Variants in DCAF8L2 observed in about 807,000 individuals in gnomAD.
The protein encoded by DCAF8L2 is DDB1- and CUL4-associated factor 8-like protein 2.
For synonymous variants in DCAF8L2, 200 were observed against 190.9 expected (o/e 1.05, Z -0.39); for missense variants, 430 against 490.7 (o/e 0.88, Z 1.17).
chrX:27,586,771 A>G (rs1228594427), upstream of DCAF8L2, among the ~76,000 whole-genome samples: 1 of 111,038 alleles, frequency 9.0e-6, no homozygotes, highest in Non-Finnish European at 1.9e-5. Context: ...TAGATGGTTT[A>G]AATTCCTGGT....
At chrX:27,489,082 A>T in the DCAF8L2 span, among the ~76,000 whole-genome samples, 2 of 110,916 alleles carry the variant, frequency 1.8e-5, no homozygotes, top group Non-Finnish European at 3.8e-5. Context: ...TTCTGCAAAA[A>T]ATTCAAATAG....
upstream of DCAF8L2, among the ~76,000 whole-genome samples, chrX:27,589,160 T>C (rs1243760833): frequency 1.8e-5 from 2 of 111,792 alleles, no homozygotes; most frequent in East Asian, 2.8e-4. Context: ...AGATTATGGT[T>C]GGTTCCTTAA....
the DCAF8L2 span, among the ~76,000 whole-genome samples, chrX:27,502,354 ATAT>A: frequency 6.5e-5 from 4 of 61,295 alleles, no homozygotes; most frequent in African/African-American, 2.1e-4. Flanking sequence ...ATATATATAT[ATAT>A]ATATATATAT....
At chrX:27,570,013 T>C in the DCAF8L2 span, among the ~76,000 whole-genome samples, 14 of 111,872 alleles carry the variant, frequency 1.3e-4, no homozygotes, top group Non-Finnish European at 2.6e-4. Flanking sequence ...ACAATTTTCT[T>C]ATGATTAAAC....
chrX:27,631,091 A>G (rs1329880918), intron 1 of DCAF8L2, among the ~76,000 whole-genome samples: 1 of 112,058 alleles, frequency 8.9e-6, no homozygotes, highest in Non-Finnish European at 1.9e-5. Context: ...ATGGTTCAAT[A>G]TATGCAGATC....
the DCAF8L2 span, among the ~76,000 whole-genome samples, chrX:27,570,259 C>T: frequency 1.0e-4 from 11 of 110,337 alleles, no homozygotes; most frequent in South Asian, 4.4e-3. Context: ...TGGGCAGGGG[C>T]TAGGGGAGAA....
intron 3 of DCAF8L2, among the ~76,000 whole-genome samples, chrX:27,694,461 T>C (rs1243825262): frequency 9.0e-6 from 1 of 111,526 alleles, no homozygotes; most frequent in Non-Finnish European, 1.9e-5. Flanking sequence ...TTAACATTTC[T>C]ATCAAACTGA....
chrX:27,733,254 GT>G (rs1921327601), intron 4 of DCAF8L2, among the ~76,000 whole-genome samples: 1 of 111,434 alleles, frequency 9.0e-6, no homozygotes, highest in Admixed American at 9.6e-5. Context: ...TCTCACTGTG[GT>G]TTTGATTTGC....
the DCAF8L2 span, among the ~76,000 whole-genome samples, chrX:27,472,828 G>T: frequency 9.0e-6 from 1 of 111,539 alleles, no homozygotes; most frequent in African/African-American, 3.3e-5. Context: ...TTTAAATAGA[G>T]GTGAACTAAC....
chrX:27,684,945 C>G (rs1930451951), intron 3 of DCAF8L2, among the ~76,000 whole-genome samples: 1 of 111,263 alleles, frequency 9.0e-6, no homozygotes, highest in Admixed American at 9.6e-5. Flanking sequence ...TTACATTTTT[C>G]CTTCTTAGAA....
At chrX:27,673,985 G>T (rs1228092341) in intron 2 of DCAF8L2, among the ~76,000 whole-genome samples, 3 of 111,033 alleles carry the variant, frequency 2.7e-5, no homozygotes, top group African/African-American at 9.8e-5. Flanking sequence ...TATTAATGGG[G>T]TTAATCACCC....
At chrX:27,727,864 A>AT (rs1329047534) in intron 4 of DCAF8L2, among the ~76,000 whole-genome samples, 1 of 111,091 alleles carries the variant, frequency 9.0e-6, no homozygotes, top group African/African-American at 3.3e-5. Flanking sequence ...CTGTGACGAG[A>AT]TTTTGGATAT....
the DCAF8L2 span, among the ~76,000 whole-genome samples, chrX:27,570,463 A>G: frequency 9.0e-6 from 1 of 111,448 alleles, no homozygotes; most frequent in African/African-American, 3.3e-5. Context: ...ATTTCTTCCT[A>G]TTTACTATTT....
At chrX:27,677,944 G>C (rs984236666) in intron 3 of DCAF8L2, 32 bp downstream of exon 3, 3 of 111,581 alleles carry the variant, frequency 2.7e-5, no homozygotes, top group Non-Finnish European at 5.7e-5. Flanking sequence ...TCTGTTAGGA[G>C]GTTGTTAAAA....
rs759102847 is a variant in DCAF8L2 at position 27,629,973 on chromosome X, AT to A, written c.-341-1898del. 5.4e-5 allele frequency among the ~76,000 whole-genome samples: 6 copies of A among 111,333 alleles called. No individual in the cohort carries two copies. In the South Asian group the frequency reaches 1.1e-3, roughly 21 times the overall value. On this transcript the variant is annotated intron_variant, in intron 1 of 4. Coordinates refer to ENST00000451261, the MANE Select transcript of DCAF8L2 (RefSeq NM_001353450.2). ...ATTCCCATTTACTTGTTTCCTGTAA[AT>A]TTTTTTTATCAATCTTTTGTAGTTT...
chrX:27,697,359 G>A (rs1213418517), intron 3 of DCAF8L2, among the ~76,000 whole-genome samples: 4 of 111,656 alleles, frequency 3.6e-5, no homozygotes, highest in Non-Finnish European at 7.5e-5. Context: ...TTTACATAAA[G>A]TTGTTTATGT....
intron 3 of DCAF8L2, among the ~76,000 whole-genome samples, chrX:27,683,924 T>C (rs1930409883): frequency 8.9e-6 from 1 of 112,156 alleles, no homozygotes; most frequent in Non-Finnish European, 1.9e-5. Context: ...TAATCAAACA[T>C]ACATCCTCAT....
At chrX:27,601,835 G>A (rs1389235548) in intron 1 of DCAF8L2, among the ~76,000 whole-genome samples, 2 of 111,418 alleles carry the variant, frequency 1.8e-5, no homozygotes, top group East Asian at 5.6e-4. Context: ...GGGGATGCCT[G>A]TAGACTTCAT....
At chrX:27,584,654 A>C in the DCAF8L2 span, among the ~76,000 whole-genome samples, 10 of 111,884 alleles carry the variant, frequency 8.9e-5, no homozygotes, top group Non-Finnish European at 1.9e-4. Context: ...AAGAAAACTC[A>C]GACACCAACT....
Sources: allele counts gnomAD v4.1 joint callset (sites outside exome capture counted in the v4.1 genomes callset), GRCh38; gene constraint gnomAD v4.1.1; transcripts MANE v1.5; gene names NCBI Gene and HGNC (gene_info 2026-07-23, HGNC 2026-07-21).